The following BNC2 variants were observed in gnomAD, a reference collection of about 807,000 sequenced individuals.
BNC2 encodes zinc finger protein basonuclin-2.
BNC2 carries 20 observed loss-of-function variants against 76.3 expected under a neutral mutation model. That is an observed-to-expected ratio of 0.26 (90% CI 0.18 to 0.38). BNC2 has a LOEUF of 0.38. BNC2 is among the 10% of genes least tolerant of loss of function. BNC2 has a pLI of 1.00. For missense variants in BNC2, 1,382 were observed against 1,399.8 expected (o/e 0.99, Z 0.20); for synonymous variants, 582 against 514.8 (o/e 1.13, Z -1.77).
At chr9:16,770,419 T>C (rs988345418) in intron 1 of BNC2, among the ~76,000 whole-genome samples, 2 of 152,198 alleles carry the variant, frequency 1.3e-5, no homozygotes, top group African/African-American at 4.8e-5. Context: ...ATTACTGACA[T>C]CGACATCTCT....
chr9:16,863,678 G>C (rs1586945628), intron 1 of BNC2, among the ~76,000 whole-genome samples: 1 of 152,200 alleles, frequency 6.6e-6, no homozygotes, highest in African/African-American at 2.4e-5. Context: ...TTGGGCGACA[G>C]AGCGAGATTC....
At chr9:16,837,900 C>G (rs1826833671) in intron 1 of BNC2, among the ~76,000 whole-genome samples, 1 of 151,932 alleles carries the variant, frequency 6.6e-6, no homozygotes, top group South Asian at 2.1e-4. Context: ...TGCACTCCAG[C>G]TTGGGCAACA....
At chr9:16,846,010 C>T (rs762603326) in intron 1 of BNC2, among the ~76,000 whole-genome samples, 2 of 151,532 alleles carry the variant, frequency 1.3e-5, no homozygotes, top group Non-Finnish European at 2.9e-5. Flanking sequence ...ATTAGCTGGC[C>T]GCGGTGGCGG....
intron 3 of BNC2, chr9:16,625,813 G>C (rs1400353093): frequency 6.6e-6 from 1 of 152,166 alleles, no homozygotes; most frequent in African/African-American, 2.4e-5. Context: ...ATAAAGATGG[G>C]TCTGGACAGT....
intron 3 of BNC2, among the ~76,000 whole-genome samples, chr9:16,603,054 T>C (rs889065041): frequency 2.0e-5 from 3 of 152,236 alleles, no homozygotes; most frequent in Non-Finnish European, 2.9e-5. Flanking sequence ...GTTCTCCAAG[T>C]AGCATTACAT....
intron 3 of BNC2, among the ~76,000 whole-genome samples, chr9:16,695,184 G>C (rs887313082): frequency 1.3e-5 from 2 of 152,156 alleles, no homozygotes; most frequent in Non-Finnish European, 1.5e-5. Context: ...AAATACATGA[G>C]AGTTTCTTTT....
intron 6 of BNC2, among the ~76,000 whole-genome samples, chr9:16,425,313 G>C (rs1432242703): frequency 1.3e-5 from 2 of 152,248 alleles, no homozygotes; most frequent in Admixed American, 1.3e-4. Context: ...ATAACAGGTA[G>C]GATGTATTGG....
At chr9:16,721,807 C>A (rs1238959655) in intron 3 of BNC2, among the ~76,000 whole-genome samples, 1 of 152,146 alleles carries the variant, frequency 6.6e-6, no homozygotes, top group African/African-American at 2.4e-5. Context: ...TCTGACAGCA[C>A]TCTGGGGGGA....
chr9:16,703,355 G>A (rs374111675), intron 3 of BNC2, among the ~76,000 whole-genome samples: 5 of 151,826 alleles, frequency 3.3e-5, no homozygotes, highest in African/African-American at 9.7e-5. Flanking sequence ...TAAAAATCCA[G>A]CACAGAGCAA....
intron 5 of BNC2, among the ~76,000 whole-genome samples, chr9:16,495,263 G>A (rs1822363730): frequency 1.3e-5 from 2 of 152,066 alleles, no homozygotes; most frequent in Admixed American, 1.3e-4. Flanking sequence ...GAGGGTAGCA[G>A]GAGGAAAAAA....
chr9:16,824,226 T>C (rs1818402626), intron 1 of BNC2, among the ~76,000 whole-genome samples: 2 of 152,224 alleles, frequency 1.3e-5, no homozygotes, highest in Admixed American at 1.3e-4. Context: ...TTGACTCTTT[T>C]CCCTGAAGTG....
chr9:16,512,318 G>A (rs1431046406), intron 5 of BNC2, among the ~76,000 whole-genome samples: 1 of 152,148 alleles, frequency 6.6e-6, no homozygotes, highest in Non-Finnish European at 1.5e-5. Context: ...AATTTAAAAA[G>A]TTATTGTTAC....
chr9:16,761,390 T>G (rs1450353023), intron 1 of BNC2, among the ~76,000 whole-genome samples: 1 of 152,206 alleles, frequency 6.6e-6, no homozygotes, highest in Non-Finnish European at 1.5e-5. Flanking sequence ...AAAACTAATA[T>G]TATACCTATA....
At chr9:16,478,164 C>A (rs1158689993) in intron 5 of BNC2, among the ~76,000 whole-genome samples, 1 of 152,174 alleles carries the variant, frequency 6.6e-6, no homozygotes, top group Non-Finnish European at 1.5e-5. Context: ...TTTCGGTCCT[C>A]TGAGATATTA....
intron 1 of BNC2, among the ~76,000 whole-genome samples, chr9:16,846,390 C>T (rs539871148): frequency 2.8e-4 from 42 of 152,266 alleles, no homozygotes; most frequent in African/African-American, 9.1e-4. Flanking sequence ...GAAAAGTCAT[C>T]GTATTTCTCT....
At chr9:16,707,802 C>T (rs1195954699) in intron 3 of BNC2, among the ~76,000 whole-genome samples, 6 of 152,052 alleles carry the variant, frequency 3.9e-5, no homozygotes, top group East Asian at 1.9e-4. Context: ...CTACCACACC[C>T]GGCTAATTTT....
chr9:16,495,436 T>C (rs989126532), intron 5 of BNC2, among the ~76,000 whole-genome samples: 1 of 152,204 alleles, frequency 6.6e-6, no homozygotes, highest in African/African-American at 2.4e-5. Flanking sequence ...AGCACCAGCA[T>C]TGTGACGTGA....
intron 1 of BNC2, among the ~76,000 whole-genome samples, chr9:16,827,378 C>T (rs73649041): frequency 0.024 from 3,704 of 152,222 alleles, 146 homozygotes; most frequent in African/African-American, 0.085. Context: ...AGAGCAGCTG[C>T]GACCAGCCTC....
chr9:16,597,099 A>G (rs1048784784), intron 3 of BNC2, among the ~76,000 whole-genome samples: 3 of 152,124 alleles, frequency 2.0e-5, no homozygotes, highest in Non-Finnish European at 4.4e-5. Flanking sequence ...ACATCAAAGT[A>G]TATTAGCTAT....
Sources: allele counts gnomAD v4.1 joint callset (sites outside exome capture counted in the v4.1 genomes callset), GRCh38; gene constraint gnomAD v4.1.1; transcripts MANE v1.5; gene names NCBI Gene and HGNC (gene_info 2026-07-23, HGNC 2026-07-21).